The following THSD7A variants were observed in gnomAD, a reference collection of about 807,000 sequenced individuals.
THSD7A encodes thrombospondin type 1 domain containing 7A, also known as thrombospondin type-1 domain-containing protein 7A.
Under a neutral mutation model 231.3 loss-of-function variants are expected in THSD7A, and 96 were observed. That is an observed-to-expected ratio of 0.41 (90% CI 0.35 to 0.49). The LOEUF (loss-of-function observed/expected upper bound fraction) is 0.49. Among genes scored for constraint, THSD7A ranks in the 20% least tolerant of loss-of-function variants. The pLI is 0.05. For missense variants in THSD7A, 2,290 were observed against 2,070.2 expected (o/e 1.11, Z -2.06); for synonymous variants, 940 against 743.3 (o/e 1.26, Z -4.30).
chr7:11,436,820 A>C (rs1308061486), intron 13 of THSD7A, among the ~76,000 whole-genome samples: 1 of 152,002 alleles, frequency 6.6e-6, no homozygotes, highest in Non-Finnish European at 1.5e-5. Flanking sequence ...ACATGGATAA[A>C]CTAGCAATAA....
chr7:11,387,634 T>C (rs374532926), intron 23 of THSD7A, among the ~76,000 whole-genome samples: 1 of 152,226 alleles, frequency 6.6e-6, no homozygotes, highest in Admixed American at 6.5e-5. Flanking sequence ...TTTCTAAATA[T>C]ACAATCATGT....
intron 7 of THSD7A, among the ~76,000 whole-genome samples, chr7:11,481,234 G>A (rs886727979): frequency 5.3e-5 from 8 of 152,068 alleles, no homozygotes; most frequent in African/African-American, 1.9e-4. Context: ...AGATTTAGGA[G>A]CAACATATTT....
At chr7:11,522,808 G>C (rs1583901221) in intron 6 of THSD7A, among the ~76,000 whole-genome samples, 1 of 152,008 alleles carries the variant, frequency 6.6e-6, no homozygotes, top group Non-Finnish European at 1.5e-5. Context: ...TAATACGAAA[G>C]TACATGGAAA....
At chr7:11,511,942 A>G (rs1208372899) in intron 6 of THSD7A, among the ~76,000 whole-genome samples, 1 of 152,234 alleles carries the variant, frequency 6.6e-6, no homozygotes, top group African/African-American at 2.4e-5. Flanking sequence ...ATGGGATCTA[A>G]TTAAACTAAA....
chr7:11,724,577 T>C (rs1367345365), intron 1 of THSD7A, among the ~76,000 whole-genome samples: 2 of 151,888 alleles, frequency 1.3e-5, no homozygotes, highest in Non-Finnish European at 2.9e-5. Context: ...ACCTACAAAA[T>C]GTATTTTACC....
intron 4 of THSD7A, among the ~76,000 whole-genome samples, chr7:11,561,212 C>A (rs1035229278): frequency 1.3e-5 from 2 of 152,134 alleles, no homozygotes; most frequent in Admixed American, 1.3e-4. Context: ...GCTAAATACA[C>A]AGGCACACAC....
intron 1 of THSD7A, among the ~76,000 whole-genome samples, chr7:11,812,736 G>A (rs1165902978): frequency 6.6e-6 from 1 of 152,034 alleles, no homozygotes; most frequent in Non-Finnish European, 1.5e-5. Flanking sequence ...CCTGACCTTG[G>A]CTTCTTCAAT....
At chr7:11,691,679 G>T (rs1780234971) in intron 1 of THSD7A, among the ~76,000 whole-genome samples, 1 of 151,076 alleles carries the variant, frequency 6.6e-6, no homozygotes, top group African/African-American at 2.4e-5. Context: ...GTAAAATTCA[G>T]AGTTAGTACT....
chr7:11,532,441 C>T (rs184223636), intron 6 of THSD7A, among the ~76,000 whole-genome samples: 3 of 152,144 alleles, frequency 2.0e-5, no homozygotes, highest in African/African-American at 4.8e-5. Context: ...TTGGTAAAGG[C>T]TGAAAAGCAG....
At position 11,372,203 on chromosome 7, in the gene THSD7A, G is replaced by A. The variant is rs1156265118; in HGVS notation, c.*3591C>T. ...CCTAAAGACATGTACATTACGTAGGGGAAAATACTAACCCCATCTAAAAAC... is the reference window on the plus strand; with the variant it reads ...CCTAAAGACATGTACATTACGTAGGAGAAAATACTAACCCCATCTAAAAAC... On this transcript the variant is annotated 3_prime_UTR_variant, in exon 28 of 28. Coordinates refer to ENST00000423059, the MANE Select transcript of THSD7A (RefSeq NM_015204.3). 2 of 151,946 alleles carry A rather than the reference G, an allele frequency of 1.3e-5. No individual in the cohort carries two copies. The highest frequency in any genetic ancestry group is 4.8e-5 in the African/African-American group (2 of 41,374). 9.4% of individuals were successfully genotyped at this position (151,946 alleles called of 1,614,324 possible).
At chr7:11,600,463 A>G (rs889687120) in intron 2 of THSD7A, among the ~76,000 whole-genome samples, 2 of 152,150 alleles carry the variant, frequency 1.3e-5, no homozygotes, top group East Asian at 3.9e-4. Context: ...ATCTACTTGT[A>G]CTTTAATTAA....
intron 6 of THSD7A, among the ~76,000 whole-genome samples, chr7:11,518,521 T>C (rs1422973513): frequency 1.3e-5 from 2 of 152,214 alleles, no homozygotes; most frequent in South Asian, 4.1e-4. Context: ...TGGATACATG[T>C]AGTAAACGAG....
At chr7:11,407,161 G>C in intron 20 of THSD7A, 106 bp from the exon 21 acceptor site, 1 of 1,491,278 alleles carries the variant, frequency 6.7e-7, no homozygotes, top group South Asian at 1.2e-5. Flanking sequence ...GGCAATCCAG[G>C]AACAAGTAAG....
At chr7:11,551,129 C>A (rs899928835) in intron 4 of THSD7A, among the ~76,000 whole-genome samples, 11 of 152,136 alleles carry the variant, frequency 7.2e-5, no homozygotes, top group Non-Finnish European at 1.0e-4. Flanking sequence ...CCTAGGATAA[C>A]TGGCTAGTCA....
chr7:11,724,184 A>G lies in THSD7A; in HGVS notation c.191-87223T>C, dbSNP rs553487375. 1.1e-4 allele frequency among the ~76,000 whole-genome samples: 16 copies of G among 152,050 alleles called. No individual in the cohort carries two copies. The Middle Eastern group carries it at 0.02, about 194-fold the overall frequency. On this transcript the variant is annotated intron_variant, in intron 1 of 27. Transcript: ENST00000423059. ...AGAATGTCATCAATATTTTTTGCCT[A>G]AGTACATAAAAGAATGTAGCTGCTA...
In THSD7A at chr7:11,831,997, AT is replaced by A; in HGVS notation, c.-52del. 1.7e-6 allele frequency: 2 copies of A among 1,160,556 alleles called. No individual in the cohort carries two copies. Among genetic ancestry groups the A allele is most frequent in the Non-Finnish European group, 2.2e-6 (2 of 929,528 alleles). The allele number at this position is 1,160,556 out of a possible 1,614,324, so 71.9% of individuals were successfully genotyped here. ...AGAGCCGTAGCACGCTCGGCAGGGA[AT>A]TTTTCTCCGCTCTTGGAACGTCTTT... On this transcript the variant is annotated 5_prime_UTR_variant, in exon 1 of 28. Transcript: ENST00000423059. This position sits in a 1 kb window ranked among gnomAD's most constrained non-coding sequence, Gnocchi z 5.0.
At chr7:11,678,112 T>C (rs985362721) in intron 1 of THSD7A, among the ~76,000 whole-genome samples, 12 of 151,996 alleles carry the variant, frequency 7.9e-5, no homozygotes, top group African/African-American at 2.7e-4. Context: ...AATAACAAAA[T>C]TAAGGCAGAA....
chr7:11,816,473 GC>G (rs1784708329), intron 1 of THSD7A, among the ~76,000 whole-genome samples: 1 of 152,168 alleles, frequency 6.6e-6, no homozygotes, highest in African/African-American at 2.4e-5. Context: ...GGATATGCTG[GC>G]AGGTAGATGC....
chr7:11,564,473 A>C (rs942256457), intron 4 of THSD7A, among the ~76,000 whole-genome samples: 3 of 152,208 alleles, frequency 2.0e-5, no homozygotes, highest in African/African-American at 7.2e-5. Flanking sequence ...CACTCTTCCA[A>C]GCTAGGATGC....
Sources: gnomAD v4.1 joint callset for allele counts (sites outside exome capture counted in the v4.1 genomes callset) on GRCh38, gnomAD v4.1.1 for gene constraint, Gnocchi (gnomAD v3.1) non-coding constraint, MANE v1.5 for transcripts, NCBI Gene and HGNC (gene_info 2026-07-23, HGNC 2026-07-21) for gene names.